GALNT17: variants seen among roughly 807,000 people sequenced by gnomAD.
GALNT17 encodes polypeptide N-acetylgalactosaminyltransferase 17.
In GALNT17, 29 loss-of-function variants were observed where a neutral mutation model predicts 63.7. The observed-to-expected ratio is 0.46, with a 90% CI of 0.34 to 0.62. The LOEUF (loss-of-function observed/expected upper bound fraction) is 0.62, where lower values mean the gene tolerates loss of function less well. Ranked by LOEUF, GALNT17 falls within the 20% of genes least tolerant of loss-of-function variation. GALNT17 has a pLI of 0.01. For missense variants in GALNT17, 603 were observed against 799.6 expected (o/e 0.75, Z 2.97); for synonymous variants, 305 against 318.3 (o/e 0.96, Z 0.45).
At chr7:71,359,544 C>T (rs1023614949) in intron 2 of GALNT17, among the ~76,000 whole-genome samples, 3 of 151,994 alleles carry the variant, frequency 2.0e-5, no homozygotes, top group Non-Finnish European at 2.9e-5. Flanking sequence ...TTCAATATGG[C>T]GTGTCAAATA....
intron 5 of GALNT17, among the ~76,000 whole-genome samples, chr7:71,488,778 C>T (rs1036137582): frequency 6.7e-6 from 1 of 149,536 alleles, no homozygotes; most frequent in Non-Finnish European, 1.5e-5. Flanking sequence ...GACGGGGTTT[C>T]ACTATGTTGG....
intron 9 of GALNT17, among the ~76,000 whole-genome samples, chr7:71,681,218 G>A (rs751930786): frequency 1.9e-4 from 29 of 152,272 alleles, no homozygotes; most frequent in Non-Finnish European, 3.5e-4. Context: ...TGCATTTCCA[G>A]CTGATTTCTA....
intron 7 of GALNT17, 37 bp downstream of exon 7, chr7:71,665,633 A>C: frequency 6.3e-7 from 1 of 1,587,022 alleles, no homozygotes; most frequent in Non-Finnish European, 8.5e-7. Flanking sequence ...ACCCCAGTAC[A>C]GTGATCCTTA....
intron 3 of GALNT17, among the ~76,000 whole-genome samples, chr7:71,404,004 T>G (rs1221184896): frequency 1.3e-5 from 2 of 152,186 alleles, no homozygotes; most frequent in Admixed American, 6.5e-5. Context: ...ATTATTAGAA[T>G]CAGCTGCAAA....
intron 5 of GALNT17, among the ~76,000 whole-genome samples, chr7:71,561,678 G>C (rs1223009273): frequency 6.6e-6 from 1 of 152,190 alleles, no homozygotes; most frequent in Non-Finnish European, 1.5e-5. Context: ...AGAGAACAGA[G>C]ACCAACGGGT....
At chr7:71,483,905 C>T (rs556271736) in intron 5 of GALNT17, among the ~76,000 whole-genome samples, 14 of 151,974 alleles carry the variant, frequency 9.2e-5, no homozygotes, top group South Asian at 4.1e-4. Flanking sequence ...AACGAAGACA[C>T]GAACACACAC....
At chr7:71,182,291 C>G (rs1016773650) in intron 1 of GALNT17, among the ~76,000 whole-genome samples, 20 of 152,246 alleles carry the variant, frequency 1.3e-4, no homozygotes, top group African/African-American at 4.6e-4. Flanking sequence ...TCTCAGACTT[C>G]CAGTTTCCAG....
intron 1 of GALNT17, among the ~76,000 whole-genome samples, chr7:71,270,768 G>C (rs921945006): frequency 1.3e-5 from 2 of 151,824 alleles, no homozygotes; most frequent in Non-Finnish European, 2.9e-5. Flanking sequence ...ATTGCCATTT[G>C]ATACAGAACA....
At position 71,335,601 on chromosome 7, in the gene GALNT17, G is replaced by A; in HGVS notation, c.290G>A (p.Gly97Glu). Residue 97 changes from glycine to glutamate, a missense_variant, in exon 2 of 11, where the codon GGG becomes GAG. Physicochemically the swap from Gly to Glu is moderately conservative, Grantham distance 98. Coordinates refer to ENST00000333538, the MANE Select transcript of GALNT17 (RefSeq NM_022479.3). Reference protein sequence around the residue: ...LIEGYGGRGKGGLPATLSPAE... With the variant: ...LIEGYGGRGKEGLPATLSPAE... ...GAAGGTTATGGTGGGCGGGGTAAAG[G>A]GGGCCTTCCGGCTACTCTTTCCCCG... The A allele has an allele frequency of 6.2e-7, 1 of 1,612,538 alleles. No individual in the cohort carries two copies.
rs189814904 is a variant in GALNT17 at position 71,520,727 on chromosome 7, C to G, written c.963-50558C>G. 1.6e-3 allele frequency among the ~76,000 whole-genome samples: 237 copies of G among 152,024 alleles called. 1 individual carries two copies. Among genetic ancestry groups the G allele is most frequent in the Middle Eastern group, 3.4e-3 (1 of 294 alleles). On this transcript the variant is annotated intron_variant, in intron 5 of 10. Coordinates refer to ENST00000333538, the MANE Select transcript of GALNT17 (RefSeq NM_022479.3). ...ACTCTTTATTCTCCATCAGTGTGGT[C>G]GTTGGAAAGATTACTAGGCTTGAGG...
chr7:71,710,700 C>T, intron 9 of GALNT17, 61 bp from the exon 10 acceptor site: 1 of 1,580,124 alleles, frequency 6.3e-7, no homozygotes, highest in East Asian at 2.2e-5. Context: ...AGCCCTGCTT[C>T]CTCCCATGTC....
intron 6 of GALNT17, among the ~76,000 whole-genome samples, chr7:71,594,041 G>T (rs1408400639): frequency 6.6e-6 from 1 of 151,830 alleles, no homozygotes; most frequent in Non-Finnish European, 1.5e-5. Flanking sequence ...TAATGTTTTG[G>T]CTCTTGTTGA....
At chr7:71,257,652 T>C (rs1009621459) in intron 1 of GALNT17, among the ~76,000 whole-genome samples, 1 of 152,212 alleles carries the variant, frequency 6.6e-6, no homozygotes, top group Non-Finnish European at 1.5e-5. Context: ...ATTCAGTCAC[T>C]GGTCTCTTCA....
At chr7:71,621,493 TGATGGATAGATG>T (rs1270161825) in intron 6 of GALNT17, among the ~76,000 whole-genome samples, 1 of 63,736 alleles carries the variant, frequency 1.6e-5, no homozygotes, top group African/African-American at 4.2e-5. Context: ...ATGGATGGAT[TGATGGATAGATG>T]GATGGATGGA....
intron 7 of GALNT17, 105 bp from the exon 8 acceptor site, chr7:71,669,867 T>G (rs952536814): frequency 2.2e-5 from 32 of 1,459,194 alleles, no homozygotes; most frequent in Non-Finnish European, 2.8e-5. Flanking sequence ...AGCCCAGGCT[T>G]AAGATCTTCT....
At chr7:71,422,561 C>A (rs1220287688) in intron 5 of GALNT17, among the ~76,000 whole-genome samples, 2 of 152,216 alleles carry the variant, frequency 1.3e-5, no homozygotes, top group Non-Finnish European at 2.9e-5. Context: ...TCTTCAGTGC[C>A]CCACTGCTCA....
At chr7:71,677,793 G>A (rs569279989) in intron 9 of GALNT17, among the ~76,000 whole-genome samples, 1 of 152,174 alleles carries the variant, frequency 6.6e-6, no homozygotes, top group East Asian at 1.9e-4. Context: ...GGGATTACAG[G>A]CGTGAGCCAC....
At chr7:71,386,853 G>A (rs900682583) in intron 2 of GALNT17, among the ~76,000 whole-genome samples, 4 of 152,240 alleles carry the variant, frequency 2.6e-5, no homozygotes, top group East Asian at 3.9e-4. Flanking sequence ...GATTATTGGC[G>A]TGGGTGTTTT....
At chr7:71,189,994 G>T (rs1039236774) in intron 1 of GALNT17, among the ~76,000 whole-genome samples, 12 of 152,022 alleles carry the variant, frequency 7.9e-5, no homozygotes, top group South Asian at 2.1e-4. Context: ...TGTACTTTTA[G>T]TAGAAGCAGG....
Sources: allele counts gnomAD v4.1 joint callset (sites outside exome capture counted in the v4.1 genomes callset), GRCh38; gene constraint gnomAD v4.1.1; transcripts MANE v1.5; gene names NCBI Gene and HGNC (gene_info 2026-07-23, HGNC 2026-07-21).